RIMS3: variants seen among roughly 807,000 people sequenced by gnomAD.
The protein encoded by RIMS3 is regulating synaptic membrane exocytosis 3.
In RIMS3, 15 loss-of-function variants were observed where a neutral mutation model predicts 29.2. The ratio of observed to expected loss-of-function variants is 0.51; its 90% CI spans 0.34 to 0.79. The LOEUF (loss-of-function observed/expected upper bound fraction) is 0.79. RIMS3 is among the 30% of genes least tolerant of loss of function. The pLI is 0.01. For missense variants in RIMS3, 342 were observed against 421.4 expected, an observed-to-expected ratio of 0.81 and a Z score of 1.65; for synonymous variants, 161 against 170.1, an observed-to-expected ratio of 0.95 and a Z score of 0.41.
chr1:40,679,440 T>A, the RIMS3 span, among the ~76,000 whole-genome samples: 760 of 152,308 alleles, frequency 5.0e-3, 5 homozygotes, highest in African/African-American at 0.018. Flanking sequence ...AATAGGCAAA[T>A]GACTAGTGCA....
the RIMS3 span, among the ~76,000 whole-genome samples, chr1:40,690,105 G>A: frequency 6.6e-6 from 1 of 152,144 alleles, no homozygotes; most frequent in African/African-American, 2.4e-5. Flanking sequence ...ATAGACTGCA[G>A]CCCCTAAGTG....
At chr1:40,633,917 T>A (rs917604007) in intron 4 of RIMS3, among the ~76,000 whole-genome samples, 1 of 152,168 alleles carries the variant, frequency 6.6e-6, no homozygotes. Flanking sequence ...AAAACAAAAT[T>A]CATAGGGTTT....
chr1:40,626,478 C>A lies in RIMS3; in HGVS notation c.*39G>T. 6.5e-7 allele frequency: 1 copy of A among 1,537,060 alleles called. No homozygotes were observed. The highest frequency in any genetic ancestry group is 8.9e-7 in the Non-Finnish European group (1 of 1,129,512). On this transcript the variant is annotated 3_prime_UTR_variant, in exon 8 of 8. Coordinates refer to ENST00000372684, the MANE Select transcript of RIMS3 (RefSeq NM_014747.3). ...GGGAGGACATGGGGCCAGCAGGCAC[C>A]CCTCCCCACACCACCATCCTGGCCT...
At chr1:40,637,644 C>CA (rs1646529389) in intron 3 of RIMS3, among the ~76,000 whole-genome samples, 1 of 152,184 alleles carries the variant, frequency 6.6e-6, no homozygotes, top group African/African-American at 2.4e-5. Context: ...CACAGTCACA[C>CA]AGTCACAAAT....
At chr1:40,640,974 C>T (rs926015166) in intron 3 of RIMS3, among the ~76,000 whole-genome samples, 1 of 152,186 alleles carries the variant, frequency 6.6e-6, no homozygotes, top group East Asian at 1.9e-4. Context: ...CCTGGAAATA[C>T]GGGCAGCTTA....
upstream of RIMS3, among the ~76,000 whole-genome samples, chr1:40,668,580 G>A (rs956100117): frequency 4.6e-5 from 7 of 150,904 alleles, no homozygotes; most frequent in Admixed American, 4.7e-4. Context: ...GCCCTTATTC[G>A]ACACTGAAAT....
rs1371576887 is a variant in RIMS3, at chr1:40,628,854, G to C, written c.670C>G (p.Gln224Glu). ...GGTCCCTCGTCAAAGAGCAGAGCCT[G>C]CTGGTACAGGGGATCACAGGTCTTC... is the stretch of plus-strand genomic sequence containing the variant. ...TKKTCDPLYQ[Q>E]ALLFDEGPQG... Residue 224 changes from glutamine (Q) to glutamate (E), a missense_variant, in exon 7 of 8, where the codon CAG (glutamine) becomes GAG (glutamate). Physicochemically the swap from Gln to Glu is conservative, Grantham distance 29 (BLOSUM62 2). Transcript: ENST00000372684. The C allele has an allele frequency of 1.2e-6, 2 of 1,614,156 alleles. No individual in the cohort carries two copies. Among genetic ancestry groups the C allele is most frequent in the Non-Finnish European group, 1.7e-6 (2 of 1,180,036 alleles).
intron 5 of RIMS3, among the ~76,000 whole-genome samples, chr1:40,630,290 G>C (rs1335978559): frequency 6.6e-6 from 1 of 152,128 alleles, no homozygotes; most frequent in Non-Finnish European, 1.5e-5. Context: ...GCCGGGGCAA[G>C]GTCTGTGTGT....
At chr1:40,639,767 T>C (rs1646543991) in intron 3 of RIMS3, among the ~76,000 whole-genome samples, 1 of 152,092 alleles carries the variant, frequency 6.6e-6, no homozygotes, top group African/African-American at 2.4e-5. Context: ...ATAAAATAAG[T>C]ACAGCGTACT....
chr1:40,688,946 G>A, the RIMS3 span, among the ~76,000 whole-genome samples: 1 of 152,170 alleles, frequency 6.6e-6, no homozygotes, highest in East Asian at 1.9e-4. Context: ...CCCTTTATCA[G>A]AGTTTGTTTT....
In RIMS3 at chr1:40,641,717, G is replaced by A. The variant is rs771445638; in HGVS notation, c.209C>T (p.Pro70Leu). The A allele has an allele frequency of 1.7e-5, 27 of 1,613,774 alleles. No individual in the cohort carries two copies. Among genetic ancestry groups the A allele is most frequent in the East Asian group, 8.9e-5 (4 of 44,894 alleles). Reference sequence around the variant, plus strand: ...GTCCCATGCCCCCTCACCAGGCTGCGGAAGCTGGAGTGTGCTCTTGCTCCA... The same window carrying A: ...GTCCCATGCCCCCTCACCAGGCTGCAGAAGCTGGAGTGTGCTCTTGCTCCA... ...TQWSKSTLQL[P>L]QPEGATKKLR... Residue 70 changes from proline (P) to leucine (L), a missense_variant, in exon 3 of 8, where the codon CCG becomes CTG. Pro to Leu is a moderately conservative substitution (Grantham distance 98, BLOSUM62 -3). Coordinates refer to ENST00000372684, the MANE Select transcript of RIMS3 (RefSeq NM_014747.3).
At chr1:40,638,738 G>A (rs771976602) in intron 3 of RIMS3, among the ~76,000 whole-genome samples, 5 of 152,288 alleles carry the variant, frequency 3.3e-5, no homozygotes, top group South Asian at 2.1e-4. Context: ...CTGTGTCCTG[G>A]ACCCAAAGCT....
intron 1 of RIMS3, among the ~76,000 whole-genome samples, chr1:40,659,529 A>G (rs1213767643): frequency 6.6e-6 from 1 of 152,190 alleles, no homozygotes; most frequent in Non-Finnish European, 1.5e-5. Context: ...TCATTCATCT[A>G]ACAGCTCACT....
At chr1:40,685,259 AATTT>A in the RIMS3 span, among the ~76,000 whole-genome samples, 17 of 144,832 alleles carry the variant, frequency 1.2e-4, no homozygotes, top group African/African-American at 3.8e-4. Flanking sequence ...AAATGCAATA[AATTT>A]ATTATGAAAA....
chr1:40,638,981 G>T (rs1557671731), intron 3 of RIMS3, among the ~76,000 whole-genome samples: 2 of 152,208 alleles, frequency 1.3e-5, no homozygotes, highest in East Asian at 3.9e-4. Flanking sequence ...AGGCAGGCAG[G>T]AGGCAGGAGA....
the RIMS3 span, chr1:40,691,742 T>G: frequency 2.2e-6 from 1 of 455,444 alleles, no homozygotes. Flanking sequence ...TGCCCCCGCT[T>G]CGCGCGCGCT....
the RIMS3 span, among the ~76,000 whole-genome samples, chr1:40,690,096 T>TA: frequency 6.6e-6 from 1 of 152,226 alleles, no homozygotes. Context: ...TGGAAGGAAA[T>TA]AGACTGCAGC....
intron 3 of RIMS3, among the ~76,000 whole-genome samples, chr1:40,639,672 G>C (rs867415249): frequency 6.6e-6 from 1 of 152,108 alleles, no homozygotes; most frequent in Non-Finnish European, 1.5e-5. Flanking sequence ...TTAGTCACCC[G>C]GCTAGTAAAT....
At position 40,620,710 on chromosome 1, in the gene RIMS3, G is replaced by T. The variant is rs1321970598; in HGVS notation, c.*5807C>A. ...TTCAAACTGACTTTAATCATGTTTT[G>T]CTGCCCAAATACTGTACATGCAGAA... On this transcript the variant is annotated 3_prime_UTR_variant, in exon 8 of 8. Transcript: ENST00000372684. The T allele has an allele frequency of 1.3e-5, 2 of 152,578 alleles. No homozygotes were observed. Among genetic ancestry groups the T allele is most frequent in the African/African-American group, 2.4e-5 (1 of 41,438 alleles). 9.5% of individuals were successfully genotyped at this position (152,578 alleles called of 1,614,324 possible).
Sources: gnomAD v4.1 joint callset for allele counts (sites outside exome capture counted in the v4.1 genomes callset) on GRCh38, gnomAD v4.1.1 for gene constraint, MANE v1.5 for transcripts, NCBI Gene and HGNC (gene_info 2026-07-23, HGNC 2026-07-21) for gene names.